Variants in FBXO11 observed in about 807,000 individuals in gnomAD.
The protein encoded by FBXO11 is F-box only protein 11.
Under a neutral mutation model 117.0 loss-of-function variants are expected in FBXO11, and 13 were observed. The ratio of observed to expected loss-of-function variants is 0.11; its 90% CI spans 0.07 to 0.18. The LOEUF (loss-of-function observed/expected upper bound fraction) is 0.18. Ranked by LOEUF, FBXO11 falls within the 10% of genes least tolerant of loss-of-function variation. The pLI is 1.00. For synonymous variants in FBXO11, 490 were observed against 380.5 expected (o/e 1.29, Z -3.35); for missense variants, 767 against 1,164.4 (o/e 0.66, Z 4.97).
At chr2:47,901,112 T>G (rs1678246421) in intron 1 of FBXO11, among the ~76,000 whole-genome samples, 1 of 108,948 alleles carries the variant, frequency 9.2e-6, no homozygotes, top group Admixed American at 8.3e-5. Flanking sequence ...TATGTATATA[T>G]GTACACACGT....
intron 16 of FBXO11, among the ~76,000 whole-genome samples, chr2:47,814,915 C>A (rs1670903319): frequency 6.6e-6 from 1 of 152,178 alleles, no homozygotes; most frequent in African/African-American, 2.4e-5. Context: ...TCAACAGGAA[C>A]AGACCCCACC....
At chr2:47,848,918 T>G (rs1402863060) in intron 1 of FBXO11, among the ~76,000 whole-genome samples, 1 of 152,200 alleles carries the variant, frequency 6.6e-6, no homozygotes, top group Non-Finnish European at 1.5e-5. Context: ...CTACACATTT[T>G]AGGTTATAAA....
intron 1 of FBXO11, among the ~76,000 whole-genome samples, chr2:47,842,217 T>C (rs903809447): frequency 2.0e-5 from 3 of 151,660 alleles, no homozygotes; most frequent in Non-Finnish European, 4.4e-5. Context: ...GGTTTCACAA[T>C]GTTGGCCAGG....
At chr2:47,877,803 G>C (rs752815212) in intron 1 of FBXO11, among the ~76,000 whole-genome samples, 10 of 152,180 alleles carry the variant, frequency 6.6e-5, no homozygotes, top group African/African-American at 9.6e-5. Context: ...TCCTGCTTCA[G>C]CCTCCCAACT....
intron 1 of FBXO11, 120 bp downstream of exon 1, chr2:47,905,369 T>G: frequency 1.0e-6 from 1 of 989,282 alleles, no homozygotes; most frequent in East Asian, 5.3e-5. Flanking sequence ...TCCGCTCAGC[T>G]TGGGTCTCCC....
intron 1 of FBXO11, among the ~76,000 whole-genome samples, chr2:47,893,408 T>C (rs1046092907): frequency 2.0e-5 from 3 of 152,134 alleles, no homozygotes; most frequent in Middle Eastern, 3.2e-3. Flanking sequence ...GATCTGTGTA[T>C]CTCTATCCCT....
intron 1 of FBXO11, among the ~76,000 whole-genome samples, chr2:47,840,840 A>C (rs1672959540): frequency 6.7e-6 from 1 of 149,692 alleles, no homozygotes; most frequent in Non-Finnish European, 1.5e-5. Context: ...GTTCATAATA[A>C]TACTTTAAAA....
At position 47,906,029 on chromosome 2, in the gene FBXO11, G is replaced by C; in HGVS notation, c.-309C>G. On this transcript the variant is annotated 5_prime_UTR_variant, in exon 1 of 23. Coordinates refer to ENST00000403359, the MANE Select transcript of FBXO11 (RefSeq NM_001190274.2). ...AGACGGGCAGACCGAGAGAAAGAAA[G>C]AAAGGGCGTCCGCCGCTTGGGGATC... is the stretch of plus-strand genomic sequence containing the variant. The C allele has an allele frequency of 4.1e-6, 1 of 242,418 alleles. No homozygotes were observed. Among genetic ancestry groups the C allele is most frequent in the South Asian group, 6.4e-5 (1 of 15,642 alleles). 15.0% of individuals were successfully genotyped at this position (242,418 alleles called of 1,614,324 possible).
Position 47,905,714 on chromosome 2 carries a change from A to G in FBXO11, c.7T>C (p.Ser3Pro). The change falls in exon 1 of 23, where the codon TCC (serine) becomes CCC (proline). Residue 3 changes from serine to proline, a missense_variant. Ser to Pro is a moderately conservative substitution (Grantham distance 74). Transcript: ENST00000403359. Reference sequence around the variant, plus strand: ...GGTCTCCGGTTGGCGGCTCGGACGGAGTTCATTTGCCGGGCTGAGGTGGCG... The same window carrying G: ...GGTCTCCGGTTGGCGGCTCGGACGGGGTTCATTTGCCGGGCTGAGGTGGCG... MN[S>P]VRAANRRPRR... 6.6e-7 allele frequency: 1 copy of G among 1,509,234 alleles called. No individual in the cohort carries two copies. The highest frequency in any genetic ancestry group is 8.9e-7 in the Non-Finnish European group (1 of 1,129,426). 93.5% of individuals were successfully genotyped at this position (1,509,234 alleles called of 1,614,324 possible).
At chr2:47,865,474 T>G (rs1410518539) in intron 1 of FBXO11, among the ~76,000 whole-genome samples, 2 of 152,230 alleles carry the variant, frequency 1.3e-5, no homozygotes, top group Non-Finnish European at 2.9e-5. Context: ...ATAAAGGCTG[T>G]GTTTACAGAC....
intron 1 of FBXO11, among the ~76,000 whole-genome samples, chr2:47,858,360 A>G (rs528585601): frequency 4.0e-5 from 6 of 151,878 alleles, no homozygotes; most frequent in Non-Finnish European, 7.4e-5. Context: ...GTCAATAACA[A>G]TGTTCTAAAG....
chr2:47,827,562 T>G (rs551918114), intron 11 of FBXO11, among the ~76,000 whole-genome samples: 1 of 152,264 alleles, frequency 6.6e-6, no homozygotes, highest in Admixed American at 6.5e-5. Flanking sequence ...TCGCCTCGGC[T>G]TCCCGAAGTG....
Position 47,832,967 on chromosome 2 carries a change from T to C in FBXO11, c.1038A>G (p.Ile346Met). 1.2e-6 allele frequency: 2 copies of C among 1,608,740 alleles called. No individual in the cohort carries two copies. Among genetic ancestry groups the C allele is most frequent in the Non-Finnish European group, 1.7e-6 (2 of 1,175,136 alleles). ...TTTAAATCTTAACATGTCTTACCCT[T>C]ATTGTCATATATCCAACATAAGCAT... The part of the protein sequence containing the change: ...SEDAYVGYMT[I>M]RFNPDDKSAQ... Residue 346 changes from isoleucine (I) to methionine (M), a missense_variant, in exon 8 of 23, where the codon ATA becomes ATG. By Grantham distance (10) the Ile-to-Met change is conservative. Around this residue, in one of 10 missense-constraint regions of FBXO11, gnomAD observed 123 missense variants for 145.0 expected, o/e 0.85. Coordinates refer to ENST00000403359, the MANE Select transcript of FBXO11 (RefSeq NM_001190274.2).
chr2:47,858,680 T>TC, intron 1 of FBXO11, among the ~76,000 whole-genome samples: 1 of 60,856 alleles, frequency 1.6e-5, no homozygotes, highest in African/African-American at 8.0e-5. Flanking sequence ...AGACTCTGCC[T>TC]CAAAAAAAAA....
intron 18 of FBXO11, among the ~76,000 whole-genome samples, chr2:47,812,156 T>C (rs1286505227): frequency 6.6e-6 from 1 of 152,246 alleles, no homozygotes; most frequent in African/African-American, 2.4e-5. Context: ...CAATTTTCTG[T>C]ACCTCTTCCC....
At chr2:47,876,447 G>C (rs1369313996) in intron 1 of FBXO11, among the ~76,000 whole-genome samples, 1 of 152,134 alleles carries the variant, frequency 6.6e-6, no homozygotes, top group Non-Finnish European at 1.5e-5. Context: ...GCTTCTGTAA[G>C]TGAGGAGCTC....
chr2:47,900,353 G>C (rs551782267), intron 1 of FBXO11, among the ~76,000 whole-genome samples: 1 of 151,912 alleles, frequency 6.6e-6, no homozygotes, highest in African/African-American at 2.4e-5. Context: ...CCTAAAACAG[G>C]AAAAATCATG....
Position 47,823,328 on chromosome 2 carries a change from A to G in FBXO11, c.1431T>C (p.Asn477=). The G allele has an allele frequency of 6.2e-7, 1 of 1,612,222 alleles. No individual in the cohort carries two copies. Among genetic ancestry groups the G allele is most frequent in the Non-Finnish European group, 8.5e-7 (1 of 1,179,186 alleles). ...GYFESCNIHR[N]RIAGFEVKAY... is the part of the protein sequence containing the mutation. ...CTTTTACTTCAAAGCCTGCTATCCT[A>G]TTTCTGTGTATATTGCAACTTTCAA... The change falls in exon 12 of 23, where the codon AAT becomes AAC. Residue 477 remains asparagine, a synonymous_variant. Coordinates refer to ENST00000403359, the MANE Select transcript of FBXO11 (RefSeq NM_001190274.2).
intron 1 of FBXO11, among the ~76,000 whole-genome samples, chr2:47,874,140 G>T (rs1405693881): frequency 6.6e-6 from 1 of 152,240 alleles, no homozygotes; most frequent in East Asian, 1.9e-4. Context: ...CTTGAACCTG[G>T]GAGGCGGAGC....
Sources: gnomAD v4.1 joint callset for allele counts (sites outside exome capture counted in the v4.1 genomes callset) on GRCh38, gnomAD v4.1.1 for gene constraint, gnomAD v4.1.1 regional missense constraint, MANE v1.5 for transcripts, NCBI Gene and HGNC (gene_info 2026-07-23, HGNC 2026-07-21) for gene names.